The following CPAP variants were observed in gnomAD, a reference collection of about 807,000 sequenced individuals.
The protein encoded by CPAP is centrosome assembly and centriole elongation protein.
At chr13:24,909,903 T>C in the CPAP span, 1 of 1,614,106 alleles carries the variant, frequency 6.2e-7, no homozygotes, top group East Asian at 2.2e-5. Context: ...TAAGACAAAA[T>C]CTCCATGAGC....
the CPAP span, among the ~76,000 whole-genome samples, chr13:24,922,483 T>C: frequency 6.6e-6 from 1 of 152,302 alleles, no homozygotes; most frequent in African/African-American, 2.4e-5. Flanking sequence ...CCACAGGAAC[T>C]CAAGTTCCGC....
the CPAP span, among the ~76,000 whole-genome samples, chr13:24,929,698 C>T: frequency 6.6e-5 from 10 of 152,124 alleles, no homozygotes; most frequent in Admixed American, 5.9e-4. Context: ...TCTTCAGTCA[C>T]TCTTCCTGCC....
the CPAP span, chr13:24,910,051 G>A: frequency 1.9e-6 from 3 of 1,613,472 alleles, 1 homozygote; most frequent in South Asian, 2.2e-5. Flanking sequence ...GGAGACCTGT[G>A]CTTCTGGCTC....
At chr13:24,920,593 G>C in the CPAP span, among the ~76,000 whole-genome samples, 653 of 150,202 alleles carry the variant, frequency 4.3e-3, 12 homozygotes, top group East Asian at 0.049. Flanking sequence ...AAATAATGAT[G>C]TGTGAACATC....
At chr13:24,886,572 C>T in the CPAP span, among the ~76,000 whole-genome samples, 3 of 152,142 alleles carry the variant, frequency 2.0e-5, no homozygotes, top group Admixed American at 2.0e-4. Context: ...ACTGGGAGTA[C>T]ACAGGGGTTT....
At chr13:24,889,327 A>G in the CPAP span, 6 of 1,608,216 alleles carry the variant, frequency 3.7e-6, no homozygotes, top group Non-Finnish European at 5.1e-6. Context: ...TTGCATTGGA[A>G]GATAATTTTT....
At chr13:24,924,374 A>G in the CPAP span, among the ~76,000 whole-genome samples, 1 of 151,920 alleles carries the variant, frequency 6.6e-6, no homozygotes, top group African/African-American at 2.4e-5. Flanking sequence ...TTTTATTTTA[A>G]TATAGTATGT....
chr13:24,908,810 A>G, the CPAP span, among the ~76,000 whole-genome samples: 1 of 152,190 alleles, frequency 6.6e-6, no homozygotes. Context: ...GGAATCCCAA[A>G]ATGGACTTGA....
chr13:24,906,389 T>G, the CPAP span: 1 of 1,612,828 alleles, frequency 6.2e-7, no homozygotes, highest in Non-Finnish European at 8.5e-7. Flanking sequence ...AAGAGAAGAT[T>G]CAGACTCTTT....
the CPAP span, among the ~76,000 whole-genome samples, chr13:24,918,045 G>A: frequency 6.6e-6 from 1 of 152,178 alleles, no homozygotes; most frequent in Non-Finnish European, 1.5e-5. Flanking sequence ...GGACAGTCAA[G>A]CCATAGCAGG....
At chr13:24,906,503 G>A in the CPAP span, 6 of 1,614,092 alleles carry the variant, frequency 3.7e-6, no homozygotes, top group East Asian at 1.1e-4. Flanking sequence ...TGTGCAGCCA[G>A]TATCGCAAGG....
At chr13:24,930,410 C>T in the CPAP span, among the ~76,000 whole-genome samples, 1 of 152,140 alleles carries the variant, frequency 6.6e-6, no homozygotes, top group Non-Finnish European at 1.5e-5. Context: ...CTGATCCCCT[C>T]ACCCAGATAC....
chr13:24,909,497 C>T, the CPAP span, among the ~76,000 whole-genome samples: 6 of 151,292 alleles, frequency 4.0e-5, no homozygotes, highest in Non-Finnish European at 7.4e-5. Flanking sequence ...CACTGCTCTC[C>T]AGCCTGGGTG....
At chr13:24,889,187 A>G in the CPAP span, 1 of 742,380 alleles carries the variant, frequency 1.3e-6, no homozygotes, top group East Asian at 2.7e-5. Context: ...AGCTTCAATT[A>G]CATTTATTAA....
At chr13:24,906,729 T>C in the CPAP span, 15 of 1,614,074 alleles carry the variant, frequency 9.3e-6, no homozygotes, top group Admixed American at 1.7e-5. Flanking sequence ...TTTTTAAGGA[T>C]AGGGTTGTCT....
the CPAP span, chr13:24,906,425 G>A: frequency 1.2e-6 from 2 of 1,613,604 alleles, no homozygotes; most frequent in Non-Finnish European, 1.7e-6. Flanking sequence ...GGGGCTCTTA[G>A]CAGCCAGCCG....
chr13:24,910,381 G>A, the CPAP span, among the ~76,000 whole-genome samples: 1 of 152,090 alleles, frequency 6.6e-6, no homozygotes, highest in African/African-American at 2.4e-5. Flanking sequence ...GTGCCACCAC[G>A]CCCAGCTAAT....
At chr13:24,893,477 G>T in the CPAP span, among the ~76,000 whole-genome samples, 2 of 152,260 alleles carry the variant, frequency 1.3e-5, no homozygotes, top group African/African-American at 4.8e-5. Flanking sequence ...TGGTGAGGCA[G>T]CAGGTGCGGC....
At chr13:24,888,936 A>ATT in the CPAP span, among the ~76,000 whole-genome samples, 1 of 150,478 alleles carries the variant, frequency 6.6e-6, no homozygotes, top group Non-Finnish European at 1.5e-5. Flanking sequence ...GCAGATCTCC[A>ATT]TTTTTTTTTC....
Sources: allele counts gnomAD v4.1 joint callset (sites outside exome capture counted in the v4.1 genomes callset), GRCh38; gene constraint gnomAD v4.1.1; transcripts MANE v1.5; gene names NCBI Gene and HGNC (gene_info 2026-07-23, HGNC 2026-07-21).